Variants in SNRPN observed in about 807,000 individuals in gnomAD.
SNRPN encodes the protein small nuclear ribonucleoprotein polypeptide N, also known as small nuclear ribonucleoprotein-associated protein N.
Under a neutral mutation model 25.2 loss-of-function variants are expected in SNRPN, and 7 were observed. That is an observed-to-expected ratio of 0.28 (90% CI 0.16 to 0.52). SNRPN has a LOEUF of 0.52. SNRPN is among the 20% of genes least tolerant of loss of function. SNRPN has a pLI of 0.96. For missense variants in SNRPN, 196 were observed against 322.5 expected (o/e 0.61, Z 3.00); for synonymous variants, 124 against 110.6 (o/e 1.12, Z -0.76).
rs2060202420 is a variant in SNRPN, at chr15:24,923,919, A to AT, written c.-391+3795_-391+3796insT. Among the ~76,000 whole-genome samples the AT allele has an allele frequency of 2.4e-4, 13 of 54,950 alleles. No homozygotes were observed. The South Asian group carries it at 2.7e-3, about 11-fold the overall frequency. The allele number at this position is 54,950 out of a possible 152,430, so 36.0% of individuals were successfully genotyped here. ...TGTGTGTGTGTGTGTGTGTGTATAT[A>AT]AACATTTTTTTTTTTTTTTTTTTTT... On this transcript the variant is annotated intron_variant, in intron 3 of 11. Transcript: ENST00000400097.
chr15:24,845,744 T>TA (rs147815011), intron 2 of SNRPN, among the ~76,000 whole-genome samples: 8,144 of 152,186 alleles, frequency 0.054, 285 homozygotes, highest in Middle Eastern at 0.078. Flanking sequence ...AAAAAAAATA[T>TA]AAAAAATCAG....
chr15:24,867,584 C>T (rs561785388), intron 1 of SNRPN, among the ~76,000 whole-genome samples: 10 of 152,244 alleles, frequency 6.6e-5, no homozygotes, highest in African/African-American at 2.4e-4. Context: ...CCATGTTAGC[C>T]AGGATGGTCC....
intron 2 of SNRPN, among the ~76,000 whole-genome samples, chr15:24,835,603 C>T (rs2051096546): frequency 6.6e-6 from 1 of 151,910 alleles, no homozygotes; most frequent in Admixed American, 6.6e-5. Context: ...CTGTTTCTCC[C>T]TCTCATCCCC....
At chr15:24,972,541 CTT>C (rs755600861) in intron 3 of SNRPN, among the ~76,000 whole-genome samples, 3 of 112,206 alleles carry the variant, frequency 2.7e-5, no homozygotes, top group African/African-American at 3.3e-5. Flanking sequence ...TTAGAGTATT[CTT>C]TTTTTTTTTT....
At chr15:24,840,953 T>C (rs1401000321) in intron 2 of SNRPN, among the ~76,000 whole-genome samples, 1 of 152,150 alleles carries the variant, frequency 6.6e-6, no homozygotes, top group East Asian at 1.9e-4. Context: ...GCACTTCTCC[T>C]GCCTCAGCCT....
At chr15:24,834,170 T>A (rs1462832454) in intron 2 of SNRPN, among the ~76,000 whole-genome samples, 2 of 152,096 alleles carry the variant, frequency 1.3e-5, no homozygotes, top group African/African-American at 2.4e-5. Context: ...GTGATCCACC[T>A]GCCTTGGCCT....
At chr15:24,878,198 TAGAG>T (rs1181893851) in intron 1 of SNRPN, among the ~76,000 whole-genome samples, 4 of 152,244 alleles carry the variant, frequency 2.6e-5, no homozygotes, top group Non-Finnish European at 4.4e-5. Context: ...TCCAATCTGA[TAGAG>T]AGCTCTGGCG....
At chr15:24,885,483 C>T (rs1158845724) in intron 1 of SNRPN, among the ~76,000 whole-genome samples, 1 of 152,158 alleles carries the variant, frequency 6.6e-6, no homozygotes, top group Non-Finnish European at 1.5e-5. Context: ...GACTTGGAAA[C>T]AGTTTTATGT....
intron 2 of SNRPN, among the ~76,000 whole-genome samples, chr15:24,907,274 C>A (rs2058864140): frequency 6.6e-6 from 1 of 152,096 alleles, no homozygotes; most frequent in African/African-American, 2.4e-5. Context: ...ATCCCCACTG[C>A]TATGGTTCTA....
At chr15:24,847,632 C>G (rs1424568305) in intron 2 of SNRPN, among the ~76,000 whole-genome samples, 5 of 152,192 alleles carry the variant, frequency 3.3e-5, no homozygotes, top group Non-Finnish European at 7.3e-5. Context: ...GAGTGAGACT[C>G]TCCCTCAAAA....
chr15:24,892,390 G>A (rs1011722382), intron 2 of SNRPN, among the ~76,000 whole-genome samples: 5 of 152,054 alleles, frequency 3.3e-5, no homozygotes, highest in Non-Finnish European at 7.3e-5. Flanking sequence ...AGAGTAGGAA[G>A]GAGGAACAGA....
intron 2 of SNRPN, among the ~76,000 whole-genome samples, chr15:24,963,623 A>G (rs2075186955): frequency 6.6e-6 from 1 of 152,010 alleles, no homozygotes; most frequent in Non-Finnish European, 1.5e-5. Flanking sequence ...TCAGGAAAAA[A>G]AAAAAAAGAA....
chr15:24,836,725 A>C (rs528155452), intron 2 of SNRPN, among the ~76,000 whole-genome samples: 1 of 152,172 alleles, frequency 6.6e-6, no homozygotes, highest in Non-Finnish European at 1.5e-5. Context: ...AAATGCATTT[A>C]ATGTAAGTTT....
upstream of SNRPN, among the ~76,000 whole-genome samples, chr15:24,853,683 G>A (rs1339799133): frequency 1.3e-5 from 2 of 152,068 alleles, no homozygotes; most frequent in Non-Finnish European, 2.9e-5. Flanking sequence ...GTGAGCCACC[G>A]TGCCCAGCCA....
intron 1 of SNRPN, among the ~76,000 whole-genome samples, chr15:24,857,373 A>G (rs1320506919): frequency 6.6e-6 from 1 of 152,028 alleles, no homozygotes; most frequent in Non-Finnish European, 1.5e-5. Context: ...ATATAGATAT[A>G]TATTTTTTTC....
chr15:24,860,254 T>G (rs1358760250), intron 1 of SNRPN, among the ~76,000 whole-genome samples: 3 of 152,184 alleles, frequency 2.0e-5, no homozygotes, highest in Non-Finnish European at 4.4e-5. Flanking sequence ...AATTACCTCT[T>G]TCATTCTTTT....
At chr15:24,941,132 A>C (rs1283353231) in intron 3 of SNRPN, among the ~76,000 whole-genome samples, 3 of 152,266 alleles carry the variant, frequency 2.0e-5, no homozygotes, top group African/African-American at 7.2e-5. Context: ...GCACACTACC[A>C]TGCCTGGCTA....
At chr15:24,961,035 C>G (rs2074714909) in intron 1 of SNRPN, among the ~76,000 whole-genome samples, 1 of 151,954 alleles carries the variant, frequency 6.6e-6, no homozygotes. Flanking sequence ...TTTTCCTATT[C>G]TGGTTATCCT....
intron 2 of SNRPN, among the ~76,000 whole-genome samples, chr15:24,840,524 A>C (rs138126035): frequency 3.3e-3 from 509 of 152,298 alleles, no homozygotes; most frequent in African/African-American, 0.012. Context: ...TGGCTAGCAC[A>C]TTTAAGGTTT....
Sources: gnomAD v4.1 joint callset for allele counts (sites outside exome capture counted in the v4.1 genomes callset) on GRCh38, gnomAD v4.1.1 for gene constraint, MANE v1.5 for transcripts, NCBI Gene and HGNC (gene_info 2026-07-23, HGNC 2026-07-21) for gene names.